TRANK1: variants seen among roughly 807,000 people sequenced by gnomAD.
The protein encoded by TRANK1 is TPR and ankyrin repeat-containing protein 1.
Under a neutral mutation model 266.0 loss-of-function variants are expected in TRANK1, and 198 were observed. The ratio of observed to expected loss-of-function variants is 0.74; its 90% CI spans 0.66 to 0.84. TRANK1 has a LOEUF of 0.84. Among genes scored for constraint, TRANK1 ranks in the 40% least tolerant of loss-of-function variants. The pLI is 0.00. For synonymous variants in TRANK1, 1,396 were observed against 1,384.1 expected (o/e 1.01, Z -0.19); for missense variants, 3,326 against 3,634.6 (o/e 0.92, Z 2.18).
At position 36,855,104 on chromosome 3, in the gene TRANK1, C is replaced by A. The variant is rs2079033219; in HGVS notation, c.4549+69G>T. 34 of 1,393,334 alleles carry A rather than the reference C, an allele frequency of 2.4e-5. 1 individual carries two copies. The South Asian group carries it at 4.1e-4, about 17-fold the overall frequency. 86.3% of individuals were successfully genotyped at this position (1,393,334 alleles called of 1,614,324 possible). ...TAAAAACCTAACAAGAGCTAGTCTG[C>A]AGCTTCAAAGGCAGCCCAAAGTCTG... On this transcript the variant is annotated intron_variant, in intron 13 of 23. Coordinates refer to ENST00000645898, the MANE Select transcript of TRANK1 (RefSeq NM_001329998.2).
At chr3:36,915,244 C>G (rs2080108972) in intron 1 of TRANK1, among the ~76,000 whole-genome samples, 1 of 152,212 alleles carries the variant, frequency 6.6e-6, no homozygotes, top group Admixed American at 6.5e-5. Flanking sequence ...AGCCACCGCG[C>G]CAGGCCTACC....
chr3:36,944,782 C>G lies in TRANK1; in HGVS notation c.23+5G>C. On this transcript the variant is annotated splice_donor_5th_base_variant and intron_variant, in intron 1 of 23. Transcript: ENST00000645898. ...TGCCCCAGTGCTTCCCGCGCCGCTA[C>G]GCACCTAGCTGCCCGCGGGTCCCAC... 6.7e-7 allele frequency: 1 copy of G among 1,496,228 alleles called. No individual in the cohort carries two copies. The highest frequency in any genetic ancestry group is 8.9e-7 in the Non-Finnish European group (1 of 1,129,906). 92.7% of individuals were successfully genotyped at this position (1,496,228 alleles called of 1,614,324 possible). A position where few individuals can be genotyped will look rare whatever the true frequency, so the allele number is the denominator to read the frequency against.
Position 36,839,719 on chromosome 3 carries a change from T to C in TRANK1, c.5281-1003A>G, listed in dbSNP as rs763727183. Among the ~76,000 whole-genome samples, 53 of 152,348 alleles carry C rather than the reference T, an allele frequency of 3.5e-4. 1 individual carries two copies. Among genetic ancestry groups the C allele is most frequent in the Non-Finnish European group, 1.6e-4 (11 of 68,030 alleles). The stretch of plus-strand genomic sequence containing the variant: ...CTGGGAGCAGCTGGTCTCTCATCTG[T>C]GACACCTGCAACAGCTGCAGCTGTG... On this transcript the variant is annotated intron_variant, in intron 18 of 23. Coordinates refer to ENST00000645898, the MANE Select transcript of TRANK1 (RefSeq NM_001329998.2).
intron 8 of TRANK1, among the ~76,000 whole-genome samples, chr3:36,876,666 A>C (rs2079392862): frequency 6.6e-6 from 1 of 152,242 alleles, no homozygotes; most frequent in Non-Finnish European, 1.5e-5. Context: ...TTTCAAAATG[A>C]ACATATCAAA....
chr3:36,874,324 G>A (rs1427056247), intron 8 of TRANK1, 28 bp from the exon 9 acceptor site: 6 of 1,530,342 alleles, frequency 3.9e-6, no homozygotes, highest in Non-Finnish European at 5.2e-6. Context: ...GAGAAGGGGT[G>A]TTTGTCATGG....
In TRANK1 at chr3:36,829,655, C is replaced by T; in HGVS notation, c.8718G>A (p.Glu2906=). 1 of 1,613,794 alleles carries T rather than the reference C, an allele frequency of 6.2e-7. No individual in the cohort carries two copies. Among genetic ancestry groups the T allele is most frequent in the Non-Finnish European group, 8.5e-7 (1 of 1,179,890 alleles). ...GAATGTTGACCAGCCGAGTCATCGCCTCCTCCGCTTCAGAAACCAAAGAAC... is the reference window on the plus strand; with the variant it reads ...GAATGTTGACCAGCCGAGTCATCGCTTCCTCCGCTTCAGAAACCAAAGAAC... The part of the protein sequence containing the change: ...YRRKAWAGAE[E]AMTRLVNILI... Residue 2906 remains glutamate (E), a synonymous_variant, in exon 23 of 24, where the codon GAG becomes GAA. Coordinates refer to ENST00000645898, the MANE Select transcript of TRANK1 (RefSeq NM_001329998.2).
chr3:36,918,514 A>AAG (rs1559473242), intron 1 of TRANK1, among the ~76,000 whole-genome samples: 4 of 36,300 alleles, frequency 1.1e-4, no homozygotes, highest in African/African-American at 4.5e-4. Context: ...AAAGAAAGAA[A>AAG]GAAAGAAAGA....
chr3:36,931,833 AAGTTTAGG>A (rs1366976462), intron 1 of TRANK1, among the ~76,000 whole-genome samples: 2 of 152,012 alleles, frequency 1.3e-5, no homozygotes, highest in East Asian at 3.9e-4. Flanking sequence ...AGGATCACTT[AAGTTTAGG>A]AGTTTGAGGT....
At position 36,851,825 on chromosome 3, in the gene TRANK1, T is replaced by G; in HGVS notation, c.4781A>C (p.Glu1594Ala). The G allele has an allele frequency of 6.2e-7, 1 of 1,606,064 alleles. No homozygotes were observed. The highest frequency in any genetic ancestry group is 8.5e-7 in the Non-Finnish European group (1 of 1,176,268). The change falls in exon 15 of 24, where the codon GAG becomes GCG. Residue 1594 changes from glutamate (E) to alanine (A), a missense_variant. Coordinates refer to ENST00000645898, the MANE Select transcript of TRANK1 (RefSeq NM_001329998.2). The part of the protein sequence containing the change: ...VILVANETAK[E>A]KIPEELGLAL... Reference sequence around the variant, plus strand: ...TAACCCCAGCTCTTCTGGAATTTTCTCCTTTGCCGTTTCATTGGCCACAAG... The same window carrying G: ...TAACCCCAGCTCTTCTGGAATTTTCGCCTTTGCCGTTTCATTGGCCACAAG...
At chr3:36,925,017 G>C (rs1042651258) in intron 1 of TRANK1, among the ~76,000 whole-genome samples, 3 of 152,196 alleles carry the variant, frequency 2.0e-5, no homozygotes, top group Non-Finnish European at 4.4e-5. Flanking sequence ...TGATGGGAGA[G>C]AAACAAGGGT....
chr3:36,938,220 G>GT (rs71091692), intron 1 of TRANK1, among the ~76,000 whole-genome samples: 2,336 of 151,596 alleles, frequency 0.015, 28 homozygotes, highest in Middle Eastern at 0.045. Context: ...TGTTTGTTTT[G>GT]TTTTTTTTGT....
In TRANK1 at chr3:36,855,790, C is replaced by A. The variant is rs370395840; in HGVS notation, c.3932G>T (p.Arg1311Leu). The A allele has an allele frequency of 1.2e-6, 2 of 1,613,736 alleles. No individual in the cohort carries two copies. Among genetic ancestry groups the A allele is most frequent in the South Asian group, 1.1e-5 (1 of 91,082 alleles). Reference protein sequence around the residue: ...YSEEDKAVEMRTGDSDPRVYV... With the variant: ...YSEEDKAVEMLTGDSDPRVYV... ...CACCCGGGGGTCACTGTCACCCGTACGCATTTCTACAGCTTTATCCTCCTC... is the reference window on the plus strand; with the variant it reads ...CACCCGGGGGTCACTGTCACCCGTAAGCATTTCTACAGCTTTATCCTCCTC... The change falls in exon 13 of 24, where the codon CGT (arginine) becomes CTT (leucine). Residue 1311 changes from arginine (R) to leucine (L), a missense_variant. Physicochemically the swap from Arg to Leu is moderately radical, Grantham distance 102. Coordinates refer to ENST00000645898, the MANE Select transcript of TRANK1 (RefSeq NM_001329998.2).
At chr3:36,897,609 T>C (rs887439144) in intron 4 of TRANK1, among the ~76,000 whole-genome samples, 8 of 152,230 alleles carry the variant, frequency 5.3e-5, no homozygotes, top group African/African-American at 9.6e-5. Context: ...TAACAGTCTA[T>C]CCATTGTCAG....
chr3:36,828,415 AG>A (rs1190394195), intron 23 of TRANK1, 40 bp from the exon 24 acceptor site: 1 of 450,372 alleles, frequency 2.2e-6, no homozygotes, highest in Non-Finnish European at 4.5e-6. Flanking sequence ...GAAGGAAAGA[AG>A]GGAGGGAGGG....
At chr3:36,869,938 C>T (rs2079281991) in intron 9 of TRANK1, among the ~76,000 whole-genome samples, 1 of 152,198 alleles carries the variant, frequency 6.6e-6, no homozygotes, top group South Asian at 2.1e-4. Context: ...GATCCCCCAG[C>T]CCCACCTTAG....
chr3:36,927,124 T>A (rs979853847), intron 1 of TRANK1, among the ~76,000 whole-genome samples: 9 of 152,158 alleles, frequency 5.9e-5, no homozygotes, highest in African/African-American at 2.2e-4. Flanking sequence ...TCCCCTAAGG[T>A]CCCACAGCGA....
chr3:36,924,247 G>C (rs369094620), intron 1 of TRANK1, among the ~76,000 whole-genome samples: 4 of 152,304 alleles, frequency 2.6e-5, no homozygotes, highest in South Asian at 4.1e-4. Context: ...AAGGCCCCTA[G>C]CAGCCAAGTG....
chr3:36,879,874 A>G (rs13066136), intron 8 of TRANK1, among the ~76,000 whole-genome samples: 53 of 99,894 alleles, frequency 5.3e-4, no homozygotes, highest in East Asian at 1.5e-3. Context: ...ATGTAAACAT[A>G]CAAATATATG....
intron 8 of TRANK1, among the ~76,000 whole-genome samples, chr3:36,885,861 C>T (rs933159767): frequency 2.6e-5 from 4 of 152,124 alleles, no homozygotes; most frequent in Admixed American, 1.3e-4. Context: ...ATACAGCATG[C>T]TAACTTTATG....
Sources: gnomAD v4.1 joint callset for allele counts (sites outside exome capture counted in the v4.1 genomes callset) on GRCh38, gnomAD v4.1.1 for gene constraint, MANE v1.5 for transcripts, NCBI Gene and HGNC (gene_info 2026-07-23, HGNC 2026-07-21) for gene names.